DNAH11: variants seen among roughly 807,000 people sequenced by gnomAD.
DNAH11 encodes the protein dynein axonemal heavy chain 11, also known as axonemal beta dynein heavy chain 11.
In DNAH11, 442 loss-of-function variants were observed where a neutral mutation model predicts 526.0. The observed-to-expected ratio is 0.84, with a 90% CI of 0.78 to 0.91. The LOEUF is 0.91. Ranked by LOEUF, DNAH11 falls within the 40% of genes least tolerant of loss-of-function variation. The pLI is 0.00. For synonymous variants in DNAH11, 2,461 were observed against 1,935.9 expected (o/e 1.27, Z -7.12); for missense variants, 6,989 against 5,448.7 (o/e 1.28, Z -8.90).
intron 32 of DNAH11, among the ~76,000 whole-genome samples, chr7:21,684,865 T>G (rs566760952): frequency 3.3e-5 from 5 of 152,252 alleles, no homozygotes; most frequent in African/African-American, 1.2e-4. Flanking sequence ...ACCTGTTTGA[T>G]GGGAGACAGC....
intron 2 of DNAH11, among the ~76,000 whole-genome samples, chr7:21,557,278 C>T (rs1165878081): frequency 1.3e-5 from 2 of 152,118 alleles, no homozygotes; most frequent in Admixed American, 6.6e-5. Context: ...CCCTGAGTCC[C>T]CATGATTTTT....
chr7:21,767,350 G>A (rs1201806569), intron 55 of DNAH11, among the ~76,000 whole-genome samples: 1 of 152,186 alleles, frequency 6.6e-6, no homozygotes, highest in African/African-American at 2.4e-5. Flanking sequence ...ATGTGGCACA[G>A]TGCTTTTTAC....
Position 21,681,264 on chromosome 7 carries a change from G to C in DNAH11, c.5329-282G>C, listed in dbSNP as rs2965394. On this transcript the variant is annotated intron_variant, in intron 30 of 81. Transcript: ENST00000409508. ...CAAAATGGTGAAATCATGTCCCTACGAAAAATATAAGAATTAGCTGGGCGT... is the reference window on the plus strand; with the variant it reads ...CAAAATGGTGAAATCATGTCCCTACCAAAAATATAAGAATTAGCTGGGCGT... 0.76 allele frequency among the ~76,000 whole-genome samples: 115,261 copies of C among 151,816 alleles called. 44,317 individuals are homozygous for C. The highest frequency in any genetic ancestry group is 0.84 in the African/African-American group (34,598 of 41,402).
intron 68 of DNAH11, among the ~76,000 whole-genome samples, chr7:21,855,349 A>G (rs1407064351): frequency 6.6e-6 from 1 of 152,120 alleles, no homozygotes; most frequent in Non-Finnish European, 1.5e-5. Context: ...CTTTAAGGGA[A>G]TTTTCCTTGA....
chr7:21,753,479 C>G (rs1005965029), intron 54 of DNAH11, among the ~76,000 whole-genome samples: 1 of 152,160 alleles, frequency 6.6e-6, no homozygotes, highest in African/African-American at 2.4e-5. Flanking sequence ...CTCTTTAAAA[C>G]TTTTCTACCT....
At position 21,698,212 on chromosome 7, in the gene DNAH11, A is replaced by T. The variant is rs1271115705; in HGVS notation, c.6179A>T (p.Gln2060Leu). 2 of 1,613,200 alleles carry T rather than the reference A, an allele frequency of 1.2e-6. No individual in the cohort carries two copies. Among genetic ancestry groups the T allele is most frequent in the African/African-American group, 2.7e-5 (2 of 74,916 alleles). ...YTLCKELLSK[Q>L]DHYDWGLRAI... ...CTTTGCAAGGAGCTTCTCTCCAAGC[A>T]GGTGAGGGATCATTTGTTACGTTTT... is the stretch of plus-strand genomic sequence containing the variant. Residue 2060 changes from glutamine to leucine, a missense_variant and splice_region_variant, in exon 36 of 82, where the codon CAG (glutamine) becomes CTG (leucine). Gln to Leu is a moderately radical substitution (Grantham distance 113). Coordinates refer to ENST00000409508, the MANE Select transcript of DNAH11 (RefSeq NM_001277115.2).
intron 64 of DNAH11, among the ~76,000 whole-genome samples, chr7:21,817,757 G>T (rs1583731142): frequency 6.6e-6 from 1 of 151,894 alleles, no homozygotes; most frequent in Admixed American, 6.6e-5. Flanking sequence ...TTGGTAGGGA[G>T]ATATTTTGTG....
chr7:21,638,075 T>C (rs1227905484), intron 27 of DNAH11, among the ~76,000 whole-genome samples: 2 of 152,218 alleles, frequency 1.3e-5, no homozygotes, highest in African/African-American at 4.8e-5. Flanking sequence ...GTAGTTTCAT[T>C]TTATTAGAAA....
chr7:21,886,579 G>GAAAGCT (rs949089473), intron 76 of DNAH11, among the ~76,000 whole-genome samples: 2 of 152,198 alleles, frequency 1.3e-5, no homozygotes, highest in African/African-American at 2.4e-5. Flanking sequence ...ATGGAGATGG[G>GAAAGCT]AAAGCTAAAC....
intron 73 of DNAH11, 72 bp from the exon 74 acceptor site, chr7:21,873,202 G>C: frequency 7.8e-7 from 1 of 1,282,682 alleles, no homozygotes; most frequent in Non-Finnish European, 1.1e-6. Flanking sequence ...ATTATATATA[G>C]GAAAATGTAA....
At chr7:21,764,948 T>G (rs1225659402) in intron 54 of DNAH11, among the ~76,000 whole-genome samples, 2 of 152,200 alleles carry the variant, frequency 1.3e-5, no homozygotes, top group African/African-American at 4.8e-5. Flanking sequence ...CAAGTAGATG[T>G]ATTTCATTTT....
chr7:21,611,170 G>A (rs1785508836), intron 20 of DNAH11, among the ~76,000 whole-genome samples: 1 of 152,052 alleles, frequency 6.6e-6, no homozygotes, highest in African/African-American at 2.4e-5. Flanking sequence ...GCAAAGGAGA[G>A]GCAAATTTGC....
At chr7:21,699,755 A>G (rs919854118) in intron 36 of DNAH11, among the ~76,000 whole-genome samples, 1 of 152,010 alleles carries the variant, frequency 6.6e-6, no homozygotes, top group African/African-American at 2.4e-5. Flanking sequence ...AAAAAATGTA[A>G]TAGAGCCCAG....
intron 54 of DNAH11, among the ~76,000 whole-genome samples, chr7:21,763,066 A>G (rs762837391): frequency 2.6e-5 from 4 of 152,196 alleles, no homozygotes; most frequent in Non-Finnish European, 5.9e-5. Flanking sequence ...ATACAAGGCC[A>G]GGTGCGGTGG....
In DNAH11 at chr7:21,815,777, C is replaced by T. The variant is rs1304057802; in HGVS notation, c.10333-690C>T. Among the ~76,000 whole-genome samples the T allele has an allele frequency of 5.3e-5, 8 of 152,072 alleles. No individual in the cohort carries two copies. The East Asian group carries it at 5.8e-4, about 11-fold the overall frequency. On this transcript the variant is annotated intron_variant, in intron 63 of 81. Transcript: ENST00000409508. Reference sequence around the variant, plus strand: ...TTCTTTAATACAATTTTTGCCACAACGTTATTTATTGTTGTCAATTTTTAT... The same window carrying T: ...TTCTTTAATACAATTTTTGCCACAATGTTATTTATTGTTGTCAATTTTTAT...
intron 44 of DNAH11, among the ~76,000 whole-genome samples, chr7:21,723,391 C>A (rs1784958204): frequency 1.3e-5 from 2 of 152,318 alleles, no homozygotes; most frequent in South Asian, 4.1e-4. Context: ...TGACTCAGGA[C>A]CTATGTTCTT....
chr7:21,864,784 A>T, intron 70 of DNAH11, 127 bp downstream of exon 70: 1 of 900,534 alleles, frequency 1.1e-6, no homozygotes, highest in East Asian at 2.7e-5. Context: ...GTAGAAATGC[A>T]CTGTATAATG....
intron 18 of DNAH11, among the ~76,000 whole-genome samples, chr7:21,605,180 G>A (rs149215647): frequency 1.8e-4 from 28 of 152,284 alleles, no homozygotes; most frequent in African/African-American, 3.1e-4. Flanking sequence ...AGCACAGTGC[G>A]TTTTTCCATA....
intron 65 of DNAH11, among the ~76,000 whole-genome samples, chr7:21,822,301 C>G (rs1583736986): frequency 6.6e-6 from 1 of 152,136 alleles, no homozygotes; most frequent in East Asian, 1.9e-4. Flanking sequence ...ACATGTCACA[C>G]AGCAAGAAAG....
Sources: gnomAD v4.1 joint callset for allele counts (sites outside exome capture counted in the v4.1 genomes callset) on GRCh38, gnomAD v4.1.1 for gene constraint, MANE v1.5 for transcripts, NCBI Gene and HGNC (gene_info 2026-07-23, HGNC 2026-07-21) for gene names.